Variants in DOK6 observed in about 807,000 individuals in gnomAD.
DOK6 encodes downstream of tyrosine kinase 6.
Under a neutral mutation model 44.0 loss-of-function variants are expected in DOK6, and 22 were observed. The observed-to-expected ratio is 0.50, with a 90% CI of 0.36 to 0.71. The LOEUF is 0.71. Among genes scored for constraint, DOK6 ranks in the 30% least tolerant of loss-of-function variants. The pLI is 0.00. For missense variants in DOK6, 340 were observed against 416.4 expected, an observed-to-expected ratio of 0.82 and a Z score of 1.60; for synonymous variants, 166 against 145.5, an observed-to-expected ratio of 1.14 and a Z score of -1.01.
At chr18:69,473,454 GAGTGGTTCCTGTCGTGGTTGAGGCTT>G (rs1313817101) in intron 1 of DOK6, among the ~76,000 whole-genome samples, 26 of 152,300 alleles carry the variant, frequency 1.7e-4, no homozygotes, top group African/African-American at 6.0e-4. Context: ...CCAGTAGCTA[GAGTGGTTCCTGTCGTGGTTGAGGCTT>G]AGTGGTCCCT....
At chr18:69,725,062 A>G (rs2364887) in intron 5 of DOK6, 77,445 of 152,134 alleles carry the variant, frequency 0.51, 20,222 homozygotes, top group East Asian at 0.72. Flanking sequence ...CATTTCTACC[A>G]TGAGCCCCTG....
intron 5 of DOK6, among the ~76,000 whole-genome samples, chr18:69,710,424 T>C (rs2083498217): frequency 6.6e-6 from 1 of 152,174 alleles, no homozygotes; most frequent in South Asian, 2.1e-4. Flanking sequence ...TGCACACACA[T>C]AGTAAAACCA....
intron 7 of DOK6, among the ~76,000 whole-genome samples, chr18:69,783,681 A>T (rs1980345459): frequency 6.6e-6 from 1 of 152,294 alleles, no homozygotes; most frequent in South Asian, 2.1e-4. Context: ...ATTTATAATT[A>T]AAAACATCCA....
At chr18:69,412,637 A>G (rs1042702403) in intron 1 of DOK6, among the ~76,000 whole-genome samples, 2 of 152,140 alleles carry the variant, frequency 1.3e-5, no homozygotes, top group Admixed American at 1.3e-4. Flanking sequence ...TAAATAGGCT[A>G]AAGTATGCCT....
intron 7 of DOK6, among the ~76,000 whole-genome samples, chr18:69,762,549 T>A (rs1331949981): frequency 6.6e-6 from 1 of 152,206 alleles, no homozygotes; most frequent in Non-Finnish European, 1.5e-5. Context: ...TACAAATATA[T>A]CTTTAGAATT....
At chr18:69,504,878 T>A (rs1455746463) in intron 1 of DOK6, among the ~76,000 whole-genome samples, 7 of 152,180 alleles carry the variant, frequency 4.6e-5, no homozygotes. Flanking sequence ...ACAGGAAAAA[T>A]GTTGAAGACT....
At chr18:69,827,133 A>G (rs1981763803) in intron 7 of DOK6, among the ~76,000 whole-genome samples, 1 of 152,112 alleles carries the variant, frequency 6.6e-6, no homozygotes, top group South Asian at 2.1e-4. Flanking sequence ...GAGCTTCCAA[A>G]CCATAAATCT....
chr18:69,722,878 C>A (rs968144984), intron 5 of DOK6, among the ~76,000 whole-genome samples: 13 of 152,182 alleles, frequency 8.5e-5, no homozygotes, highest in Non-Finnish European at 1.5e-4. Context: ...TTAAAATGAA[C>A]CCTGCAATAA....
chr18:69,824,215 G>A (rs1213317396), intron 7 of DOK6, among the ~76,000 whole-genome samples: 2 of 93,318 alleles, frequency 2.1e-5, no homozygotes, highest in Admixed American at 1.4e-4. Context: ...CCCACAACAG[G>A]CCCCGGTGTG....
intron 3 of DOK6, among the ~76,000 whole-genome samples, chr18:69,652,630 CA>C (rs1985258710): frequency 6.6e-6 from 1 of 152,154 alleles, no homozygotes; most frequent in Non-Finnish European, 1.5e-5. Context: ...TTGGCTGCCG[CA>C]TGTGATGAGA....
At chr18:69,604,126 A>G (rs1020417048) in intron 3 of DOK6, among the ~76,000 whole-genome samples, 1 of 152,194 alleles carries the variant, frequency 6.6e-6, no homozygotes, top group African/African-American at 2.4e-5. Context: ...GATAATTTCT[A>G]TATCTGACTT....
chr18:69,818,021 C>G (rs1346112955), intron 7 of DOK6, among the ~76,000 whole-genome samples: 1 of 152,178 alleles, frequency 6.6e-6, no homozygotes, highest in Non-Finnish European at 1.5e-5. Flanking sequence ...TTCCTTGGGA[C>G]TCCAAACAAA....
At chr18:69,403,668 G>A (rs1916144843) in intron 1 of DOK6, among the ~76,000 whole-genome samples, 1 of 152,002 alleles carries the variant, frequency 6.6e-6, no homozygotes, top group East Asian at 1.9e-4. Flanking sequence ...TTTTAAGTCA[G>A]ATACTTTTCT....
At chr18:69,433,119 A>T (rs1193761395) in intron 1 of DOK6, among the ~76,000 whole-genome samples, 1 of 152,216 alleles carries the variant, frequency 6.6e-6, no homozygotes, top group African/African-American at 2.4e-5. Flanking sequence ...TTATTTAAAA[A>T]GCTTGATTGT....
intron 7 of DOK6, among the ~76,000 whole-genome samples, chr18:69,784,286 T>G (rs17062094): frequency 6.6e-6 from 1 of 152,126 alleles, no homozygotes; most frequent in African/African-American, 2.4e-5. Context: ...TAAATGTATG[T>G]GGGCATAATA....
intron 1 of DOK6, among the ~76,000 whole-genome samples, chr18:69,554,472 C>T (rs1027095153): frequency 1.3e-5 from 2 of 152,208 alleles, no homozygotes; most frequent in Admixed American, 6.5e-5. Flanking sequence ...TTCAACATAA[C>T]GTTTTTGAGA....
intron 5 of DOK6, among the ~76,000 whole-genome samples, chr18:69,734,146 A>AT (rs1978516675): frequency 6.7e-6 from 1 of 150,332 alleles, no homozygotes; most frequent in Non-Finnish European, 1.5e-5. Context: ...CATGGATTCA[A>AT]ATTTTTTTTT....
chr18:69,689,571 G>T (rs1377500049), intron 4 of DOK6, among the ~76,000 whole-genome samples: 1 of 152,090 alleles, frequency 6.6e-6, no homozygotes, highest in Non-Finnish European at 1.5e-5. Context: ...ATTGGTAAGG[G>T]ATTTCTGGAA....
At chr18:69,702,158 T>C (rs1426734467) in intron 5 of DOK6, among the ~76,000 whole-genome samples, 1 of 134,922 alleles carries the variant, frequency 7.4e-6, no homozygotes, top group Non-Finnish European at 1.6e-5. Flanking sequence ...TTTTTTTAAA[T>C]ATCATTTGAT....
Sources: allele counts gnomAD v4.1 joint callset (sites outside exome capture counted in the v4.1 genomes callset), GRCh38; gene constraint gnomAD v4.1.1; transcripts MANE v1.5; gene names NCBI Gene and HGNC (gene_info 2026-07-23, HGNC 2026-07-21).